The following ZNF831 variants were observed in gnomAD, a reference collection of about 807,000 sequenced individuals.
ZNF831 encodes zinc finger protein 831.
Under a neutral mutation model 95.8 loss-of-function variants are expected in ZNF831, and 59 were observed. The ratio of observed to expected loss-of-function variants is 0.62; its 90% CI spans 0.50 to 0.77. The LOEUF is 0.77. ZNF831 is among the 30% of genes least tolerant of loss of function. The pLI is 0.00. For missense variants in ZNF831, 2,205 were observed against 2,164.0 expected (o/e 1.02, Z -0.38); for synonymous variants, 961 against 925.5 (o/e 1.04, Z -0.70).
intron 3 of ZNF831, among the ~76,000 whole-genome samples, chr20:59,205,959 G>T (rs1984862454): frequency 6.6e-6 from 1 of 152,142 alleles, no homozygotes; most frequent in Admixed American, 6.5e-5. Context: ...CATATATTCT[G>T]CTCTATGACA....
At chr20:59,145,358 C>A (rs962413249) in intron 1 of ZNF831, among the ~76,000 whole-genome samples, 3 of 152,018 alleles carry the variant, frequency 2.0e-5, no homozygotes, top group Non-Finnish European at 2.9e-5. Context: ...AAGGTCTTAC[C>A]CTTTTTGAAA....
rs542214778 is a variant in ZNF831, at chr20:59,208,634, A to G, written c.4027+1578A>G. Among the ~76,000 whole-genome samples, 1 of 152,290 alleles carries G rather than the reference A, an allele frequency of 6.6e-6. No homozygotes were observed. The highest frequency in any genetic ancestry group is 1.5e-5 in the Non-Finnish European group (1 of 68,018). ...TGACTTCCAGAGGCATGGGAACTCC[A>G]AGTACGAAGTGAGCCTCGGGGGTCA... On this transcript the variant is annotated intron_variant, in intron 4 of 5. Transcript: ENST00000371030. The surrounding 1 kb of genome is among the most constrained non-coding windows in gnomAD (Gnocchi z 4.2).
In ZNF831 at chr20:59,193,547, C is replaced by T. The variant is rs1983800203; in HGVS notation, c.2528C>T (p.Thr843Ile). 1 of 1,605,732 alleles carries T rather than the reference C, an allele frequency of 6.2e-7. No individual in the cohort carries two copies. The highest frequency in any genetic ancestry group is 8.5e-7 in the Non-Finnish European group (1 of 1,176,184). ...CAACCAGAGCCTGTGAGCGCAGAGA[C>T]CCCAGGTGGGCCCACGCAGCCTGCC... ...WKQPEPVSAE[T>I]PGGPTQPASL... Residue 843 changes from threonine (T) to isoleucine (I), a missense_variant, in exon 2 of 6, where the codon ACC becomes ATC. Coordinates refer to ENST00000371030, the MANE Select transcript of ZNF831 (RefSeq NM_178457.3).
At chr20:59,174,455 T>C (rs1489126468) in intron 1 of ZNF831, among the ~76,000 whole-genome samples, 1 of 152,198 alleles carries the variant, frequency 6.6e-6, no homozygotes, top group Non-Finnish European at 1.5e-5. Flanking sequence ...CTCACCTCCA[T>C]TTATGCCCTC....
At chr20:59,235,440 C>T (rs1986949047) in intron 4 of ZNF831, among the ~76,000 whole-genome samples, 1 of 152,192 alleles carries the variant, frequency 6.6e-6, no homozygotes, top group Non-Finnish European at 1.5e-5. Flanking sequence ...TCCCCACTCA[C>T]CCCACTTATG....
intron 1 of ZNF831, among the ~76,000 whole-genome samples, chr20:59,179,876 C>T (rs569316968): frequency 5.3e-5 from 8 of 152,280 alleles, no homozygotes; most frequent in African/African-American, 1.9e-4. Context: ...TACGATTCAA[C>T]CCACCATGCT....
intron 4 of ZNF831, among the ~76,000 whole-genome samples, chr20:59,236,737 G>T (rs6128512): frequency 1.3e-5 from 2 of 151,982 alleles, no homozygotes; most frequent in South Asian, 4.2e-4. Flanking sequence ...GGATGACAAA[G>T]ATGTTTTTTG....
At chr20:59,216,658 G>A (rs1487166381) in intron 4 of ZNF831, among the ~76,000 whole-genome samples, 3 of 152,176 alleles carry the variant, frequency 2.0e-5, no homozygotes, top group African/African-American at 7.2e-5. Context: ...TGCAGTGGGG[G>A]CTCACAGGAT....
chr20:59,218,207 T>C (rs987365091), intron 4 of ZNF831, among the ~76,000 whole-genome samples: 3 of 152,232 alleles, frequency 2.0e-5, no homozygotes, highest in African/African-American at 7.2e-5. Flanking sequence ...GGGTGGGATT[T>C]GGGGCCATAG....
chr20:59,174,514 A>G (rs934712795), intron 1 of ZNF831, among the ~76,000 whole-genome samples: 7 of 152,218 alleles, frequency 4.6e-5, no homozygotes, highest in African/African-American at 1.7e-4. Context: ...TTAGAACCAT[A>G]TCAGACAGTG....
chr20:59,189,579 T>C (rs1368173051), intron 1 of ZNF831, among the ~76,000 whole-genome samples: 2 of 152,232 alleles, frequency 1.3e-5, no homozygotes, highest in African/African-American at 4.8e-5. Context: ...TGGTGCGATA[T>C]TGGCTCACTG....
chr20:59,125,775 G>A (rs1012268312), intron 1 of ZNF831, among the ~76,000 whole-genome samples: 86 of 152,076 alleles, frequency 5.7e-4, no homozygotes, highest in African/African-American at 1.9e-3. Context: ...TCATTGACTC[G>A]TGTTTGGGTA....
At chr20:59,212,706 A>G (rs556440013) in intron 4 of ZNF831, among the ~76,000 whole-genome samples, 4 of 152,302 alleles carry the variant, frequency 2.6e-5, no homozygotes, top group Admixed American at 1.3e-4. Flanking sequence ...CATCTACCTT[A>G]TAATCCAGAT....
chr20:59,147,068 C>A, intron 2 of ZNF831: 1 of 152,200 alleles, frequency 6.6e-6, no homozygotes. Flanking sequence ...GGGGACATCG[C>A]TTCTGGAAGG....
Position 59,194,763 on chromosome 20 carries a change from G to C in ZNF831, c.3738+6G>C, listed in dbSNP as rs1983960672. On this transcript the variant is annotated splice_donor_region_variant and intron_variant, in intron 2 of 5. Coordinates refer to ENST00000371030, the MANE Select transcript of ZNF831 (RefSeq NM_178457.3). Reference sequence around the variant, plus strand: ...GGCCGGCGCAGATGTCCAAGGTAAAGCTGGGCTTTGCCCCAGGGCCCGGGG... The same window carrying C: ...GGCCGGCGCAGATGTCCAAGGTAAACCTGGGCTTTGCCCCAGGGCCCGGGG... The C allele has an allele frequency of 1.3e-6, 2 of 1,543,114 alleles. No homozygotes were observed. Among genetic ancestry groups the C allele is most frequent in the Non-Finnish European group, 1.7e-6 (2 of 1,147,150 alleles).
intron 4 of ZNF831, among the ~76,000 whole-genome samples, chr20:59,241,299 A>G (rs949816369): frequency 6.6e-6 from 1 of 151,498 alleles, no homozygotes; most frequent in African/African-American, 2.4e-5. Context: ...AGAACTCATA[A>G]CCGGCCCCCT....
chr20:59,246,174 G>A lies in ZNF831; in HGVS notation c.4028-6804G>A, dbSNP rs986079335. Reference sequence around the variant, plus strand: ...TATTTGGAGCCAGCAAGAGGCCAGGGATGGGTCTGGGGGTCTCTCCAGAGC... The same window carrying A: ...TATTTGGAGCCAGCAAGAGGCCAGGAATGGGTCTGGGGGTCTCTCCAGAGC... On this transcript the variant is annotated intron_variant, in intron 4 of 5. Coordinates refer to ENST00000371030, the MANE Select transcript of ZNF831 (RefSeq NM_178457.3). Among the ~76,000 whole-genome samples the A allele has an allele frequency of 3.3e-5, 5 of 152,182 alleles. No individual in the cohort carries two copies. In the East Asian group the frequency reaches 9.7e-4, roughly 29 times the overall value.
chr20:59,195,838 A>G, intron 2 of ZNF831, 31 bp from the exon 3 acceptor site: 1 of 1,601,064 alleles, frequency 6.2e-7, no homozygotes, highest in South Asian at 1.1e-5. Flanking sequence ...GACTTTGAGT[A>G]ATGTGATGCC....
chr20:59,225,791 G>C (rs201353184), intron 4 of ZNF831, among the ~76,000 whole-genome samples: 2 of 152,210 alleles, frequency 1.3e-5, no homozygotes, highest in East Asian at 3.9e-4. Context: ...ATGTCTGTAA[G>C]AGTTAGGAGA....
Sources: allele counts gnomAD v4.1 joint callset (sites outside exome capture counted in the v4.1 genomes callset), GRCh38; gene constraint gnomAD v4.1.1; non-coding constraint Gnocchi (gnomAD v3.1); transcripts MANE v1.5; gene names NCBI Gene and HGNC (gene_info 2026-07-23, HGNC 2026-07-21).